Variants in QRSL1 observed in about 807,000 individuals in gnomAD.
QRSL1 encodes the protein glutaminyl-tRNA amidotransferase subunit QRSL1, also known as glutamyl-tRNA(Gln) amidotransferase subunit A, mitochondrial.
QRSL1 carries 54 observed loss-of-function variants against 61.6 expected under a neutral mutation model. That is an observed-to-expected ratio of 0.88 (90% CI 0.70 to 1.10). The LOEUF (loss-of-function observed/expected upper bound fraction) is 1.10. Among genes scored for constraint, QRSL1 ranks in the 50% least tolerant of loss-of-function variants. The probability of loss-of-function intolerance (pLI) is 0.00; values close to 1 mark genes in which losing one functional copy is unlikely to be tolerated. For synonymous variants in QRSL1, 228 were observed against 225.7 expected, an observed-to-expected ratio of 1.01 and a Z score of -0.09; for missense variants, 505 against 622.6, an observed-to-expected ratio of 0.81 and a Z score of 2.01.
intron 3 of QRSL1, 28 bp downstream of exon 3, chr6:106,640,949 T>C: frequency 2.6e-6 from 4 of 1,515,602 alleles, no homozygotes; most frequent in Non-Finnish European, 3.6e-6. Flanking sequence ...AGAGCATTGA[T>C]AATTTTATAA....
chr6:106,642,617 T>C, intron 3 of QRSL1: 1 of 770,922 alleles, frequency 1.3e-6, no homozygotes, highest in East Asian at 2.4e-5. Flanking sequence ...GCCCCACAAG[T>C]GTTACCATGG....
At position 106,639,116 on chromosome 6, in the gene QRSL1, GTTGTTTTT is replaced by G. The variant is rs1216997776; in HGVS notation, c.25-1230_25-1223del. Among the ~76,000 whole-genome samples the G allele has an allele frequency of 7.2e-4, 39 of 54,364 alleles. 1 individual carries two copies. The highest frequency in any genetic ancestry group is 9.6e-3 in the Middle Eastern group (1 of 104). 35.7% of individuals were successfully genotyped at this position (54,364 alleles called of 152,430 possible). A position where few individuals can be genotyped will look rare whatever the true frequency, so the allele number is the denominator to read the frequency against. On this transcript the variant is annotated intron_variant, in intron 1 of 10. Coordinates refer to ENST00000369046, the MANE Select transcript of QRSL1 (RefSeq NM_018292.5). ...ACTTGTGTGGTTATTTGTGTGTTTT[GTTGTTTTT>G]TTTTTTTTTTTTTTTTTTTTTTGAC...
At chr6:106,652,780 G>A (rs1777210109) in intron 7 of QRSL1, 198 bp downstream of exon 7, 1 of 1,479,542 alleles carries the variant, frequency 6.8e-7, no homozygotes, top group South Asian at 1.4e-5. Flanking sequence ...TGACTTCAGA[G>A]AGGTTTGTGA....
intron 4 of QRSL1, among the ~76,000 whole-genome samples, chr6:106,645,711 G>A (rs924325479): frequency 1.3e-5 from 2 of 152,130 alleles, no homozygotes; most frequent in Admixed American, 6.5e-5. Flanking sequence ...GTGAGCCACC[G>A]CCCCCAGCCA....
In QRSL1 at chr6:106,629,635, T is replaced by C. The variant is rs1776765046; in HGVS notation, c.-47T>C. 1 of 1,580,582 alleles carries C rather than the reference T, an allele frequency of 6.3e-7. No homozygotes were observed. The highest frequency in any genetic ancestry group is 8.6e-7 in the Non-Finnish European group (1 of 1,164,072). ...CATCACTAGCGACCGGTGACCTCTT[T>C]TTCCCCCTTGCCTGGCTCCTGTGGT... On this transcript the variant is annotated 5_prime_UTR_variant, in exon 1 of 11. Coordinates refer to ENST00000369046, the MANE Select transcript of QRSL1 (RefSeq NM_018292.5).
At chr6:106,648,504 A>G (rs573221049) in intron 4 of QRSL1, among the ~76,000 whole-genome samples, 27 of 152,328 alleles carry the variant, frequency 1.8e-4, no homozygotes, top group African/African-American at 6.5e-4. Context: ...ACAAACGTAC[A>G]CAGAGCACAC....
chr6:106,637,156 G>A (rs1776936887), intron 1 of QRSL1, among the ~76,000 whole-genome samples: 1 of 152,184 alleles, frequency 6.6e-6, no homozygotes, highest in Admixed American at 6.5e-5. Flanking sequence ...GTGGAACTAA[G>A]GTCCGATTTT....
At chr6:106,659,193 G>A (rs559872405) in intron 9 of QRSL1, among the ~76,000 whole-genome samples, 4 of 151,976 alleles carry the variant, frequency 2.6e-5, no homozygotes, top group African/African-American at 4.8e-5. Context: ...GGCTGCGTGC[G>A]GTGGCTCACA....
At chr6:106,663,214 T>C in intron 10 of QRSL1, 29 bp downstream of exon 10, 9 of 1,601,614 alleles carry the variant, frequency 5.6e-6, no homozygotes, top group Non-Finnish European at 7.7e-6. Flanking sequence ...CATTCTGATT[T>C]TCTTCAAATT....
At chr6:106,631,968 C>A (rs1265974179) in intron 1 of QRSL1, among the ~76,000 whole-genome samples, 1 of 152,190 alleles carries the variant, frequency 6.6e-6, no homozygotes. Flanking sequence ...CTACTACTAC[C>A]CTTTCAGGCC....
intron 1 of QRSL1, among the ~76,000 whole-genome samples, chr6:106,633,255 T>C (rs1277495862): frequency 6.6e-6 from 1 of 152,238 alleles, no homozygotes; most frequent in Admixed American, 6.5e-5. Flanking sequence ...CTTTGTATTT[T>C]TTCCACATCA....
At chr6:106,647,775 C>T (rs1198077113) in intron 4 of QRSL1, among the ~76,000 whole-genome samples, 21 of 145,026 alleles carry the variant, frequency 1.4e-4, no homozygotes, top group African/African-American at 4.9e-4. Context: ...CTCAGCCTCC[C>T]GAGTAGCTGG....
At chr6:106,632,297 G>A (rs1582403249) in intron 1 of QRSL1, among the ~76,000 whole-genome samples, 1 of 152,274 alleles carries the variant, frequency 6.6e-6, no homozygotes, top group Admixed American at 6.5e-5. Flanking sequence ...TCTTTGCTAT[G>A]TTGATTTTCT....
intron 8 of QRSL1, among the ~76,000 whole-genome samples, chr6:106,655,142 G>A (rs1247343533): frequency 6.6e-6 from 1 of 152,124 alleles, no homozygotes; most frequent in South Asian, 2.1e-4. Flanking sequence ...TGAATAACTC[G>A]AAGGGATAGT....
chr6:106,632,928 C>T (rs1191358707), intron 1 of QRSL1, among the ~76,000 whole-genome samples: 3 of 152,186 alleles, frequency 2.0e-5, no homozygotes, highest in Admixed American at 6.5e-5. Context: ...CTCTTCTTGA[C>T]CTTCCTTGGC....
intron 8 of QRSL1, among the ~76,000 whole-genome samples, chr6:106,655,384 C>T (rs1021649940): frequency 4.6e-5 from 7 of 151,832 alleles, no homozygotes; most frequent in South Asian, 2.1e-4. Context: ...GGCATGGTGG[C>T]GCATACCTGT....
Position 106,629,669 on chromosome 6 carries a change from G to A in QRSL1, c.-13G>A, listed in dbSNP as rs377764340. 5.0e-6 allele frequency: 8 copies of A among 1,603,982 alleles called. No homozygotes were observed. Among genetic ancestry groups the A allele is most frequent in the Non-Finnish European group, 6.8e-6 (8 of 1,176,060 alleles). On this transcript the variant is annotated 5_prime_UTR_variant, in exon 1 of 11. Coordinates refer to ENST00000369046, the MANE Select transcript of QRSL1 (RefSeq NM_018292.5). ...TGCCTGGCTCCTGTGGTGGCAGGCT[G>A]GGCACGAGGACCATGCTGGGCCGGA...
At position 106,667,928 on chromosome 6, in the gene QRSL1, GC is replaced by G. The variant is rs1777466931; in HGVS notation, c.*1930del. On this transcript the variant is annotated 3_prime_UTR_variant, in exon 11 of 11. Transcript: ENST00000369046. ...AAAGCAAGTAAATAAACAAACCGTTGCCCCAATCTGTTTTTATGTAATGAAT... is the reference window on the plus strand; with the variant it reads ...AAAGCAAGTAAATAAACAAACCGTTGCCCAATCTGTTTTTATGTAATGAAT... 2 of 145,700 alleles carry G rather than the reference GC, an allele frequency of 1.4e-5. No individual in the cohort carries two copies. Among genetic ancestry groups the G allele is most frequent in the African/African-American group, 5.1e-5 (2 of 39,058 alleles). The allele number at this position is 145,700 out of a possible 1,614,324, so 9.0% of individuals were successfully genotyped here. A position where few individuals can be genotyped will look rare whatever the true frequency, so the allele number is the denominator to read the frequency against.
intron 5 of QRSL1, among the ~76,000 whole-genome samples, chr6:106,651,045 A>G (rs1211253848): frequency 6.6e-6 from 1 of 152,160 alleles, no homozygotes; most frequent in Non-Finnish European, 1.5e-5. Context: ...AACACTTTTC[A>G]TCTTGCAACG....
Sources: allele counts gnomAD v4.1 joint callset (sites outside exome capture counted in the v4.1 genomes callset), GRCh38; gene constraint gnomAD v4.1.1; transcripts MANE v1.5; gene names NCBI Gene and HGNC (gene_info 2026-07-23, HGNC 2026-07-21).